PDE1A: variants seen among roughly 807,000 people sequenced by gnomAD.
PDE1A encodes the protein dual specificity calcium/calmodulin-dependent 3',5'-cyclic nucleotide phosphodiesterase 1A.
A neutral mutation model predicts 61.7 loss-of-function variants in PDE1A; 35 were observed. The ratio of observed to expected loss-of-function variants is 0.57; its 90% CI spans 0.43 to 0.75. The LOEUF is 0.75. Ranked by LOEUF, PDE1A falls within the 30% of genes least tolerant of loss-of-function variation. The pLI, the probability that PDE1A is intolerant of heterozygous loss-of-function variation, is 0.00. For missense variants in PDE1A, 597 were observed against 630.6 expected (o/e 0.95, Z 0.57); for synonymous variants, 232 against 213.2 (o/e 1.09, Z -0.77).
intron 1 of PDE1A, among the ~76,000 whole-genome samples, chr2:182,273,958 C>T (rs1693223316): frequency 6.6e-6 from 1 of 152,106 alleles, no homozygotes; most frequent in Non-Finnish European, 1.5e-5. Context: ...TTCTTTCTCG[C>T]AGTCCTGGAG....
the PDE1A span, among the ~76,000 whole-genome samples, chr2:182,544,913 G>T: frequency 6.6e-6 from 1 of 152,066 alleles, no homozygotes; most frequent in Non-Finnish European, 1.5e-5. Context: ...GTTGTGATGA[G>T]GATGAAAAGG....
In PDE1A at chr2:182,283,085, T is replaced by C. The variant is rs143305722; in HGVS notation, c.54-18671A>G. ...GGTGTTAATCAATACTAATAAGCAA[T>C]AGGAAAGAAATATTTTCTTTTCAAA... is the stretch of plus-strand genomic sequence containing the variant. On this transcript the variant is annotated intron_variant, in intron 1 of 13. Transcript: ENST00000351439. Among the ~76,000 whole-genome samples, 168 of 152,132 alleles carry C rather than the reference T, an allele frequency of 1.1e-3. 1 individual carries two copies. Among genetic ancestry groups the C allele is most frequent in the Non-Finnish European group, 1.9e-3 (127 of 67,950 alleles).
downstream of PDE1A, among the ~76,000 whole-genome samples, chr2:182,146,126 TATCTCCGCC>T (rs1245696078): frequency 2.0e-5 from 3 of 152,216 alleles, no homozygotes; most frequent in Non-Finnish European, 4.4e-5. Context: ...TAACTGCCCA[TATCTCCGCC>T]ATCGGTTCAA....
chr2:182,406,705 A>T (rs1702315870), intron 1 of PDE1A, among the ~76,000 whole-genome samples: 1 of 152,194 alleles, frequency 6.6e-6, no homozygotes, highest in Non-Finnish European at 1.5e-5. Context: ...ACAGCTAGAA[A>T]AGAAATGCAG....
chr2:182,509,055 G>A (rs1689618676), intron 2 of PDE1A, among the ~76,000 whole-genome samples: 2 of 150,676 alleles, frequency 1.3e-5, no homozygotes, highest in South Asian at 4.2e-4. Flanking sequence ...GTGAGAATAT[G>A]TGGTGTTAGA....
the PDE1A span, among the ~76,000 whole-genome samples, chr2:182,611,581 T>C: frequency 6.6e-6 from 1 of 152,192 alleles, no homozygotes; most frequent in Non-Finnish European, 1.5e-5. Flanking sequence ...TAGGAAAGTA[T>C]GCAATTTTAA....
the PDE1A span, among the ~76,000 whole-genome samples, chr2:182,688,139 C>A: frequency 1.3e-5 from 2 of 152,136 alleles, no homozygotes; most frequent in African/African-American, 2.4e-5. Flanking sequence ...CCCAACCTAG[C>A]AAGGCAGGCC....
chr2:182,546,449 C>G, the PDE1A span, among the ~76,000 whole-genome samples: 1 of 152,076 alleles, frequency 6.6e-6, no homozygotes, highest in Non-Finnish European at 1.5e-5. Flanking sequence ...AAGATGGATA[C>G]CCCCTATCAG....
the PDE1A span, among the ~76,000 whole-genome samples, chr2:182,611,102 T>C: frequency 6.6e-6 from 1 of 152,182 alleles, no homozygotes; most frequent in African/African-American, 2.4e-5. Flanking sequence ...GCTATTGCCT[T>C]ACAGGGCCCA....
rs183565103 is a variant in PDE1A at position 182,275,554 on chromosome 2, T to A, written c.54-11140A>T. 4.6e-5 allele frequency among the ~76,000 whole-genome samples: 7 copies of A among 152,222 alleles called. No individual in the cohort carries two copies. The East Asian group carries it at 1.4e-3, about 30-fold the overall frequency. Reference sequence around the variant, plus strand: ...AGAAAGGTAGGTGGCATGTTGTTTCTGTCACATAAAGGCAAAGCCAACCAA... The same window carrying A: ...AGAAAGGTAGGTGGCATGTTGTTTCAGTCACATAAAGGCAAAGCCAACCAA... On this transcript the variant is annotated intron_variant, in intron 1 of 13. Transcript: ENST00000351439.
chr2:182,324,878 T>G (rs1482537255), intron 1 of PDE1A, among the ~76,000 whole-genome samples: 1 of 152,134 alleles, frequency 6.6e-6, no homozygotes, highest in African/African-American at 2.4e-5. Flanking sequence ...CAGGAAACAT[T>G]TAAGTGTTTA....
chr2:182,279,385 A>T (rs1018316655), intron 1 of PDE1A, among the ~76,000 whole-genome samples: 1 of 151,716 alleles, frequency 6.6e-6, no homozygotes, highest in Non-Finnish European at 1.5e-5. Context: ...GCCAATGACC[A>T]TCAAAACAGA....
chr2:182,440,197 C>A (rs754036045), intron 2 of PDE1A, among the ~76,000 whole-genome samples: 1 of 152,038 alleles, frequency 6.6e-6, no homozygotes, highest in Non-Finnish European at 1.5e-5. Context: ...CAAACTGAAG[C>A]AATCATCTAG....
intron 1 of PDE1A, among the ~76,000 whole-genome samples, chr2:182,413,920 CTTA>C (rs1373347741): frequency 6.6e-6 from 1 of 152,014 alleles, no homozygotes; most frequent in African/African-American, 2.4e-5. Flanking sequence ...TGCTTCTGAA[CTTA>C]TTATTATTGT....
intron 1 of PDE1A, among the ~76,000 whole-genome samples, chr2:182,365,053 A>C (rs1226679289): frequency 1.3e-5 from 2 of 152,084 alleles, no homozygotes; most frequent in Non-Finnish European, 2.9e-5. Flanking sequence ...AATGCCTTCC[A>C]TTACAGGACA....
chr2:182,623,012 C>A, the PDE1A span, among the ~76,000 whole-genome samples: 3 of 152,170 alleles, frequency 2.0e-5, no homozygotes, highest in African/African-American at 7.2e-5. Flanking sequence ...TGGCACTCAA[C>A]AACATTATTA....
intron 10 of PDE1A, 83 bp from the exon 11 acceptor site, chr2:182,189,143 A>G (rs566629663): frequency 1.3e-5 from 10 of 750,436 alleles, no homozygotes; most frequent in African/African-American, 3.6e-5. Context: ...AGCCTAGAAA[A>G]GCCACATCTT....
intron 1 of PDE1A, among the ~76,000 whole-genome samples, chr2:182,298,854 A>G (rs767982826): frequency 7.9e-5 from 12 of 152,114 alleles, no homozygotes; most frequent in East Asian, 1.9e-4. Flanking sequence ...GCGCTGAAAT[A>G]TAAGTAATGG....
chr2:182,356,399 T>A (rs1035116241), intron 1 of PDE1A, among the ~76,000 whole-genome samples: 5 of 152,116 alleles, frequency 3.3e-5, no homozygotes, highest in Admixed American at 6.5e-5. Context: ...TATTAAGAAT[T>A]TTTATTAATG....
Sources: allele counts gnomAD v4.1 joint callset (sites outside exome capture counted in the v4.1 genomes callset), GRCh38; gene constraint gnomAD v4.1.1; transcripts MANE v1.5; gene names NCBI Gene and HGNC (gene_info 2026-07-23, HGNC 2026-07-21).